DOCK3: variants seen among roughly 807,000 people sequenced by gnomAD.
The protein encoded by DOCK3 is dedicator of cytokinesis protein 3.
A neutral mutation model predicts 265.6 loss-of-function variants in DOCK3; 60 were observed. The observed-to-expected ratio is 0.23, with a 90% confidence interval of 0.18 to 0.28. DOCK3 has a LOEUF of 0.28. Ranked by LOEUF, DOCK3 falls within the 10% of genes least tolerant of loss-of-function variation. The probability of loss-of-function intolerance (pLI) is 1.00; values close to 1 mark genes in which losing one functional copy is unlikely to be tolerated. For synonymous variants in DOCK3, 881 were observed against 938.0 expected, an observed-to-expected ratio of 0.94 and a Z score of 1.11; for missense variants, 1,981 against 2,594.3, an observed-to-expected ratio of 0.76 and a Z score of 5.14.
rs575825873 is a variant in DOCK3 at position 51,369,077 on chromosome 3, A to C, written c.5294-5392A>C. On this transcript the variant is annotated intron_variant, in intron 49 of 52. Transcript: ENST00000266037. ...AAAGACCAAAGGTAGATAAAACCAC[A>C]AAGATGGGGAGAAACCAAAGCAGAA... Among the ~76,000 whole-genome samples, 9 of 152,384 alleles carry C rather than the reference A, an allele frequency of 5.9e-5. No homozygotes were observed. The South Asian group carries it at 1.9e-3, about 32-fold the overall frequency.
chr3:51,034,576 TATATCATGATTCCTTA>T (rs1159449598), intron 5 of DOCK3, among the ~76,000 whole-genome samples: 2 of 152,132 alleles, frequency 1.3e-5, no homozygotes, highest in Admixed American at 1.3e-4. Flanking sequence ...TAAATCTTTA[TATATCATGATTCCTTA>T]AGACAGTGTT....
chr3:51,205,658 G>T (rs774241957), intron 12 of DOCK3, among the ~76,000 whole-genome samples: 3 of 152,160 alleles, frequency 2.0e-5, no homozygotes, highest in East Asian at 3.9e-4. Context: ...ACCAGTGATT[G>T]TACCGCTACA....
At chr3:51,287,368 G>A (rs976604701) in intron 27 of DOCK3, among the ~76,000 whole-genome samples, 2 of 152,038 alleles carry the variant, frequency 1.3e-5, no homozygotes, top group Non-Finnish European at 2.9e-5. Flanking sequence ...GGGCAGCATA[G>A]CAAGACCCCA....
chr3:50,904,517 C>T (rs945344295), intron 4 of DOCK3, among the ~76,000 whole-genome samples: 1 of 152,132 alleles, frequency 6.6e-6, no homozygotes, highest in Non-Finnish European at 1.5e-5. Context: ...TGACCAGTGA[C>T]AACGAATATT....
chr3:50,984,771 A>T (rs991484757), intron 5 of DOCK3, among the ~76,000 whole-genome samples: 9 of 152,350 alleles, frequency 5.9e-5, no homozygotes, highest in African/African-American at 2.2e-4. Flanking sequence ...CTGACCACGG[A>T]TTGAAAATGT....
At chr3:51,180,684 C>G (rs1359825920) in intron 12 of DOCK3, among the ~76,000 whole-genome samples, 1 of 152,086 alleles carries the variant, frequency 6.6e-6, no homozygotes, top group Non-Finnish European at 1.5e-5. Flanking sequence ...CTGCAAAGAC[C>G]CTTTTTCCAA....
intron 1 of DOCK3, chr3:50,719,382 A>G (rs567045482): frequency 5.5e-5 from 25 of 452,214 alleles, no homozygotes; most frequent in Middle Eastern, 6.3e-4. Flanking sequence ...GCAAGAGCAC[A>G]GTGATTATAG....
intron 1 of DOCK3, among the ~76,000 whole-genome samples, chr3:50,765,272 T>G (rs753085462): frequency 2.4e-4 from 36 of 151,542 alleles, no homozygotes; most frequent in Non-Finnish European, 3.2e-4. Flanking sequence ...TTAGTAGAGA[T>G]AGGGTTTTAC....
At chr3:50,775,831 C>T (rs538075567) in intron 1 of DOCK3, among the ~76,000 whole-genome samples, 1 of 111,920 alleles carries the variant, frequency 8.9e-6, no homozygotes, top group Non-Finnish European at 1.9e-5. Context: ...TAGATGAGAA[C>T]ATATGGTATT....
chr3:50,716,080 T>C (rs1489696219), intron 1 of DOCK3, among the ~76,000 whole-genome samples: 4 of 152,044 alleles, frequency 2.6e-5, no homozygotes, highest in African/African-American at 9.7e-5. Flanking sequence ...ACAGAGAACT[T>C]AGGTCATTTT....
intron 28 of DOCK3, 59 bp downstream of exon 28, chr3:51,310,385 A>G: frequency 7.0e-7 from 1 of 1,433,354 alleles, no homozygotes. Flanking sequence ...TAAGAAGAGT[A>G]TGTGTATTTC....
intron 26 of DOCK3, chr3:51,278,106 C>G (rs1369493546): frequency 7.1e-6 from 7 of 985,224 alleles, no homozygotes; most frequent in Non-Finnish European, 8.4e-6. Context: ...TCTAGGAACC[C>G]CCTCATACAG....
intron 5 of DOCK3, among the ~76,000 whole-genome samples, chr3:50,946,397 C>T (rs2076428748): frequency 6.6e-6 from 1 of 152,152 alleles, no homozygotes; most frequent in South Asian, 2.1e-4. Context: ...ATTTTTCTCT[C>T]AATGTAATTA....
At position 51,330,163 on chromosome 3, in the gene DOCK3, T is replaced by G; in HGVS notation, c.3428T>G (p.Leu1143Arg). Residue 1143 changes from leucine (L) to arginine (R), a missense_variant, in exon 33 of 53, where the codon CTG becomes CGG. Coordinates refer to ENST00000266037, the MANE Select transcript of DOCK3 (RefSeq NM_004947.5). ...GTGGAGGCCGAGTTGATTGACAAGC[T>G]GGACAGCATGGTGTCAGAAGGGAAA... is the stretch of plus-strand genomic sequence containing the variant. ...KQVEAELIDK[L>R]DSMVSEGKGD... 1 of 1,606,362 alleles carries G rather than the reference T, an allele frequency of 6.2e-7. No individual in the cohort carries two copies. The highest frequency in any genetic ancestry group is 1.1e-5 in the South Asian group (1 of 88,998).
Position 51,291,599 on chromosome 3 carries a change from G to A in DOCK3, c.2922+11395G>A, listed in dbSNP as rs192700826. ...AATAACTAGTAAAGAGCTTGAATCA[G>A]TAATTAAGAGTCTTCCATCAAAGAA... is the stretch of plus-strand genomic sequence containing the variant. On this transcript the variant is annotated intron_variant, in intron 27 of 52. Transcript: ENST00000266037. 9.2e-5 allele frequency among the ~76,000 whole-genome samples: 14 copies of A among 152,288 alleles called. 1 individual carries two copies. The highest frequency in any genetic ancestry group is 6.2e-4 in the South Asian group (3 of 4,826).
chr3:51,176,949 A>G (rs1262088495), intron 12 of DOCK3, among the ~76,000 whole-genome samples: 1 of 152,148 alleles, frequency 6.6e-6, no homozygotes, highest in Non-Finnish European at 1.5e-5. Context: ...TACAAATCCT[A>G]CCTAATTCCA....
chr3:51,373,660 T>A (rs2087859484), intron 49 of DOCK3, among the ~76,000 whole-genome samples: 1 of 152,148 alleles, frequency 6.6e-6, no homozygotes, highest in South Asian at 2.1e-4. Context: ...TCCATAACAG[T>A]CCCTCAGACT....
chr3:51,195,590 G>A (rs1415911761), intron 12 of DOCK3, among the ~76,000 whole-genome samples: 1 of 151,554 alleles, frequency 6.6e-6, no homozygotes, highest in Non-Finnish European at 1.5e-5. Context: ...AATTTTTTTT[G>A]TATTTTTAAT....
chr3:51,348,715 T>G, intron 38 of DOCK3, 137 bp from the exon 39 acceptor site: 44 of 821,102 alleles, frequency 5.4e-5, no homozygotes, highest in Non-Finnish European at 8.4e-5. Flanking sequence ...AAATTGGTCT[T>G]GAGGTATATG....
Sources: allele counts gnomAD v4.1 joint callset (sites outside exome capture counted in the v4.1 genomes callset), GRCh38; gene constraint gnomAD v4.1.1; transcripts MANE v1.5; gene names NCBI Gene and HGNC (gene_info 2026-07-23, HGNC 2026-07-21).